The following APBA1 variants were observed in gnomAD, a reference collection of about 807,000 sequenced individuals.
APBA1 encodes amyloid beta precursor protein binding family A member 1, also known as amyloid-beta A4 precursor protein-binding family A member 1.
In APBA1, 55 loss-of-function variants were observed where a neutral mutation model predicts 86.6. The observed-to-expected ratio is 0.64, with a 90% CI of 0.51 to 0.80. The LOEUF (loss-of-function observed/expected upper bound fraction) is 0.80, where lower values mean the gene tolerates loss of function less well. Ranked by LOEUF, APBA1 falls within the 30% of genes least tolerant of loss-of-function variation. APBA1 has a pLI of 0.00. For synonymous variants in APBA1, 511 were observed against 493.9 expected, an observed-to-expected ratio of 1.03 and a Z score of -0.46; for missense variants, 1,090 against 1,183.0, an observed-to-expected ratio of 0.92 and a Z score of 1.15.
intron 1 of APBA1, among the ~76,000 whole-genome samples, chr9:69,556,188 C>G: frequency 6.6e-6 from 1 of 152,102 alleles, no homozygotes; most frequent in Non-Finnish European, 1.5e-5. Flanking sequence ...GAAGAGAAAT[C>G]TGTTACTATC....
At chr9:69,510,763 C>T (rs1435828092) in intron 2 of APBA1, among the ~76,000 whole-genome samples, 25 of 140,396 alleles carry the variant, frequency 1.8e-4, no homozygotes, top group East Asian at 4.5e-4. Flanking sequence ...TCAGAAATAA[C>T]GCCGCATATC....
chr9:69,549,647 AC>A (rs1836753985), intron 1 of APBA1, among the ~76,000 whole-genome samples: 1 of 152,194 alleles, frequency 6.6e-6, no homozygotes, highest in South Asian at 2.1e-4. Flanking sequence ...ACAGTGAAGA[AC>A]CTTTTACATC....
At chr9:69,576,862 A>T (rs1296311734) in intron 1 of APBA1, among the ~76,000 whole-genome samples, 1 of 152,210 alleles carries the variant, frequency 6.6e-6, no homozygotes, top group Non-Finnish European at 1.5e-5. Flanking sequence ...ATAATAAAAA[A>T]ATTATGCATT....
At chr9:69,672,755 T>C (rs1823983134), upstream of APBA1, 1 of 152,228 alleles carries the variant, frequency 6.6e-6, no homozygotes, top group South Asian at 2.1e-4. Context: ...GAGGGGAAAA[T>C]GCAGCTGCAT....
chr9:69,610,169 A>G (rs1822558385), intron 1 of APBA1, among the ~76,000 whole-genome samples: 1 of 152,078 alleles, frequency 6.6e-6, no homozygotes, highest in South Asian at 2.1e-4. Context: ...AAATTTTTTT[A>G]ATTAGCTAAG....
intron 2 of APBA1, 124 bp from the exon 3 acceptor site, chr9:69,476,267 G>C (rs927754611): frequency 1.6e-6 from 1 of 637,184 alleles, no homozygotes; most frequent in Admixed American, 3.1e-5. Flanking sequence ...GCAGTGGGGA[G>C]AAAACCTCTT....
intron 1 of APBA1, among the ~76,000 whole-genome samples, chr9:69,558,005 G>C (rs1347504770): frequency 1.3e-5 from 2 of 152,254 alleles, no homozygotes; most frequent in South Asian, 2.1e-4. Context: ...AGGCATACAT[G>C]TTAGAATCTC....
At chr9:69,444,090 C>T (rs1360538911) in intron 10 of APBA1, among the ~76,000 whole-genome samples, 1 of 152,204 alleles carries the variant, frequency 6.6e-6, no homozygotes, top group East Asian at 1.9e-4. Context: ...CATCTGCTCC[C>T]CCCGTGCTCT....
At chr9:69,586,845 G>A (rs113250209) in intron 1 of APBA1, among the ~76,000 whole-genome samples, 3,005 of 152,260 alleles carry the variant, frequency 0.02, 92 homozygotes, top group African/African-American at 0.069. Flanking sequence ...CTTTTTACTA[G>A]AATGAAGCCA....
Position 69,516,252 on chromosome 9 carries a change from G to A in APBA1, c.959C>T (p.Ala320Val), listed in dbSNP as rs758915812. The change falls in exon 2 of 13, where the codon GCG (alanine) becomes GTG (valine). Residue 320 changes from alanine to valine, a missense_variant. Transcript: ENST00000265381. This position sits in a 1 kb window ranked among gnomAD's most constrained non-coding sequence, Gnocchi z 7.3. Reference sequence around the variant, plus strand: ...GGGGCCCACCGCCCGCTGCTGCCCCGCCGGCGCCTGCAGCCCGGGGCTGTC... The same window carrying A: ...GGGGCCCACCGCCCGCTGCTGCCCCACCGGCGCCTGCAGCCCGGGGCTGTC... The part of the protein sequence containing the change: ...RPDSPGLQAP[A>V]GQQRAVGPAG... 10 of 1,377,440 alleles carry A rather than the reference G, an allele frequency of 7.3e-6. No homozygotes were observed. The highest frequency in any genetic ancestry group is 1.5e-5 in the African/African-American group (1 of 65,224). The allele number at this position is 1,377,440 out of a possible 1,614,324, so 85.3% of individuals were successfully genotyped here. A position where few individuals can be genotyped will look rare whatever the true frequency, so the allele number is the denominator to read the frequency against.
chr9:69,456,070 T>C (rs1177668794), intron 8 of APBA1, among the ~76,000 whole-genome samples, 177 bp downstream of exon 8: 7 of 152,220 alleles, frequency 4.6e-5, no homozygotes, highest in Non-Finnish European at 8.8e-5. Context: ...TTTCAGCCCT[T>C]GCGATGAGTA....
rs146374345 is a variant in APBA1 at position 69,516,302 on chromosome 9, G to C, written c.909C>G (p.Pro303=). The change falls in exon 2 of 13, where the codon CCC becomes CCG. Residue 303 remains proline (P), a synonymous_variant. Coordinates refer to ENST00000265381, the MANE Select transcript of APBA1 (RefSeq NM_001163.4). The surrounding 1 kb of genome is among the most constrained non-coding windows in gnomAD (Gnocchi z 7.3). ...CGGGGCGACCCCCGGCCGGGGTAGG[G>C]GGACGCTCCAGGTCCTGCTCGGCCT... ...MPEAEQDLER[P]PTPAGGRPDS... The C allele has an allele frequency of 5.1e-4, 802 of 1,567,958 alleles. 7 individuals are homozygous for C. The African/African-American group carries it at 0.01, about 20-fold the overall frequency.
intron 1 of APBA1, among the ~76,000 whole-genome samples, chr9:69,635,026 T>C (rs1001209772): frequency 3.9e-5 from 6 of 152,112 alleles, no homozygotes; most frequent in Non-Finnish European, 8.8e-5. Context: ...TAAGAAATCA[T>C]CTGAAGGCAC....
intron 1 of APBA1, among the ~76,000 whole-genome samples, chr9:69,603,746 C>T (rs1031616619): frequency 6.6e-6 from 1 of 152,166 alleles, no homozygotes; most frequent in Non-Finnish European, 1.5e-5. Flanking sequence ...AATTTATCAT[C>T]CAAATGAAAT....
At position 69,441,115 on chromosome 9, in the gene APBA1, C is replaced by G; in HGVS notation, c.2182G>C (p.Gly728Arg). 6.2e-7 allele frequency: 1 copy of G among 1,613,498 alleles called. No individual in the cohort carries two copies. The highest frequency in any genetic ancestry group is 8.5e-7 in the Non-Finnish European group (1 of 1,179,824). ...TTGACTCGGGACTGATTCTTTAAGC[C>G]CTTAAACATGAATAAAGTACAGTGG... ...PLSTCQSIIK[G>R]LKNQSRVKLN... The change falls in exon 11 of 13, where the codon GGC becomes CGC. Residue 728 changes from glycine (G) to arginine (R), a missense_variant and splice_region_variant. By Grantham distance (125) the Gly-to-Arg change is moderately radical. This residue lies in a region of APBA1 where 119 missense variants were observed against 124.8 expected (regional missense o/e 0.95). Transcript: ENST00000265381.
intron 1 of APBA1, among the ~76,000 whole-genome samples, chr9:69,601,185 G>C (rs1244813448): frequency 6.6e-6 from 1 of 152,186 alleles, no homozygotes; most frequent in Non-Finnish European, 1.5e-5. Context: ...AACACAAGAA[G>C]TTAATCTATT....
At chr9:69,598,714 T>C (rs548322351) in intron 1 of APBA1, among the ~76,000 whole-genome samples, 2 of 152,094 alleles carry the variant, frequency 1.3e-5, no homozygotes, top group Non-Finnish European at 2.9e-5. Context: ...CTTGTAGGAA[T>C]AGGAAGCAAG....
At chr9:69,523,461 GTGTATATATATATATGTATA>G (rs1836285112) in intron 1 of APBA1, among the ~76,000 whole-genome samples, 1 of 114,482 alleles carries the variant, frequency 8.7e-6, no homozygotes, top group African/African-American at 3.6e-5. Flanking sequence ...TATCATGTAT[GTGTATATATATATATGTATA>G]TATATATATA....
chr9:69,565,589 T>C (rs987027538), intron 1 of APBA1, among the ~76,000 whole-genome samples: 3 of 152,112 alleles, frequency 2.0e-5, no homozygotes, highest in Admixed American at 2.0e-4. Flanking sequence ...CTCTTCCACA[T>C]TATATTATTT....
Sources: gnomAD v4.1 joint callset for allele counts (sites outside exome capture counted in the v4.1 genomes callset) on GRCh38, gnomAD v4.1.1 for gene constraint, gnomAD v4.1.1 regional missense constraint, Gnocchi (gnomAD v3.1) non-coding constraint, MANE v1.5 for transcripts, NCBI Gene and HGNC (gene_info 2026-07-23, HGNC 2026-07-21) for gene names.